Variants in SNX29 observed in about 807,000 individuals in gnomAD.
SNX29 encodes sorting nexin-29.
Under a neutral mutation model 102.1 loss-of-function variants are expected in SNX29, and 78 were observed. The ratio of observed to expected loss-of-function variants is 0.76; its 90% confidence interval spans 0.64 to 0.92. The LOEUF (loss-of-function observed/expected upper bound fraction) is 0.92, where lower values mean the gene tolerates loss of function less well. Among genes scored for constraint, SNX29 ranks in the 40% least tolerant of loss-of-function variants. The pLI is 0.00. For missense variants in SNX29, 1,280 were observed against 1,061.7 expected, an observed-to-expected ratio of 1.21 and a Z score of -2.86; for synonymous variants, 580 against 414.5, an observed-to-expected ratio of 1.40 and a Z score of -4.85.
intron 2 of SNX29, among the ~76,000 whole-genome samples, chr16:12,001,738 C>CCAGG (rs2056295427): frequency 6.6e-6 from 1 of 152,126 alleles, no homozygotes; most frequent in Non-Finnish European, 1.5e-5. Context: ...GACAAGTAGG[C>CCAGG]CAGGCACGGT....
chr16:12,176,903 A>G (rs1017618175), intron 13 of SNX29, among the ~76,000 whole-genome samples: 1 of 151,510 alleles, frequency 6.6e-6, no homozygotes, highest in African/African-American at 2.4e-5. Flanking sequence ...GTGTGGGGGA[A>G]AATTTGCAGG....
intron 15 of SNX29, among the ~76,000 whole-genome samples, chr16:12,315,729 G>A (rs552713009): frequency 1.3e-4 from 20 of 152,286 alleles, no homozygotes; most frequent in African/African-American, 3.9e-4. Context: ...TTGAACAACC[G>A]TCTGTGGTAT....
At chr16:12,256,666 G>C (rs573570933) in intron 14 of SNX29, among the ~76,000 whole-genome samples, 1 of 152,306 alleles carries the variant, frequency 6.6e-6, no homozygotes, top group African/African-American at 2.4e-5. Context: ...TCAGCATTCA[G>C]CAGTTGTTTA....
chr16:12,544,901 A>G (rs1488992733), intron 20 of SNX29, among the ~76,000 whole-genome samples: 1 of 152,212 alleles, frequency 6.6e-6, no homozygotes, highest in African/African-American at 2.4e-5. Flanking sequence ...TGGGCCAGTA[A>G]TCAATAGTCA....
In SNX29 at chr16:12,199,622, C is replaced by T; in HGVS notation, c.1617C>T (p.Val539=). The change falls in exon 14 of 21, where the codon GTC becomes GTT. Residue 539 remains valine (V), a synonymous_variant. Transcript: ENST00000566228. ...GCAGAGAGAACGAGGTGCTCAAAGT[C>T]CAACTGAAGAAATATGTAGGAGCTG... is the stretch of plus-strand genomic sequence containing the variant. ...ALARENEVLK[V]QLKKYVGAVQ... 1 of 1,613,034 alleles carries T rather than the reference C, an allele frequency of 6.2e-7. No homozygotes were observed. Among genetic ancestry groups the T allele is most frequent in the Non-Finnish European group, 8.5e-7 (1 of 1,179,500 alleles).
intron 19 of SNX29, chr16:12,515,487 T>C (rs1464199787): frequency 2.1e-6 from 1 of 485,588 alleles, no homozygotes; most frequent in Non-Finnish European, 4.1e-6. Flanking sequence ...TGAAACCCAT[T>C]CGCTTCTCCT....
intron 20 of SNX29, chr16:12,560,613 G>A (rs959445900): frequency 6.5e-6 from 1 of 153,012 alleles, no homozygotes; most frequent in African/African-American, 2.4e-5. Context: ...GCAAGCAACA[G>A]CTGCCTTGTC....
chr16:12,403,576 G>A (rs764512718), intron 18 of SNX29, 47 bp downstream of exon 18: 18 of 1,537,020 alleles, frequency 1.2e-5, no homozygotes, highest in Admixed American at 1.9e-5. Flanking sequence ...GTGGAAAAAC[G>A]CCCATTTGTC....
In SNX29 at chr16:12,152,525, C is replaced by T. The variant is rs779810307; in HGVS notation, c.1595+22767C>T. Among the ~76,000 whole-genome samples, 11 of 152,158 alleles carry T rather than the reference C, an allele frequency of 7.2e-5. No homozygotes were observed. In the South Asian group the frequency reaches 8.3e-4, roughly 11 times the overall value. On this transcript the variant is annotated intron_variant, in intron 13 of 20. Coordinates refer to ENST00000566228, the MANE Select transcript of SNX29 (RefSeq NM_032167.5). ...TATCTTAGCTCTGTAACCTGGAACGCGTTGCTTTCCTTCTCTGAACCCCAG... is the reference window on the plus strand; with the variant it reads ...TATCTTAGCTCTGTAACCTGGAACGTGTTGCTTTCCTTCTCTGAACCCCAG...
chr16:12,140,087 C>G (rs11075055), intron 13 of SNX29, among the ~76,000 whole-genome samples: 1 of 151,436 alleles, frequency 6.6e-6, no homozygotes, highest in Non-Finnish European at 1.5e-5. Context: ...GCAGTTGATT[C>G]GCTCATGAAA....
chr16:12,344,572 A>G (rs1177831230), intron 15 of SNX29, among the ~76,000 whole-genome samples: 1 of 152,270 alleles, frequency 6.6e-6, no homozygotes, highest in Non-Finnish European at 1.5e-5. Flanking sequence ...ATTTTCAGAT[A>G]TTGAAGATAA....
At chr16:12,483,960 G>C (rs57626469) in intron 19 of SNX29, among the ~76,000 whole-genome samples, 1 of 152,190 alleles carries the variant, frequency 6.6e-6, no homozygotes, top group Non-Finnish European at 1.5e-5. Flanking sequence ...CCAGATGTTA[G>C]TGACCAGCTC....
At chr16:12,357,630 C>G (rs181034584) in intron 16 of SNX29, among the ~76,000 whole-genome samples, 233 of 152,320 alleles carry the variant, frequency 1.5e-3, no homozygotes, top group Non-Finnish European at 6.9e-4. Context: ...GCCATCGCCA[C>G]CACCCCTCTC....
intron 11 of SNX29, among the ~76,000 whole-genome samples, chr16:12,093,471 A>G (rs2052642962): frequency 2.0e-5 from 3 of 152,180 alleles, no homozygotes; most frequent in Non-Finnish European, 4.4e-5. Context: ...CAGAAAAGCC[A>G]GACATGGTGG....
chr16:12,255,686 C>T (rs961932182), intron 14 of SNX29, among the ~76,000 whole-genome samples: 7 of 152,150 alleles, frequency 4.6e-5, no homozygotes, highest in East Asian at 3.8e-4. Flanking sequence ...CACGTTTATC[C>T]GTGTCATCAC....
At chr16:12,485,978 TACA>T (rs1398980616) in intron 19 of SNX29, among the ~76,000 whole-genome samples, 2 of 152,176 alleles carry the variant, frequency 1.3e-5, no homozygotes, top group Non-Finnish European at 2.9e-5. Flanking sequence ...TCCTGTGGCT[TACA>T]ACAACACACA....
chr16:12,542,275 G>C (rs1211965386), intron 20 of SNX29, among the ~76,000 whole-genome samples: 1 of 118,536 alleles, frequency 8.4e-6, no homozygotes, highest in Non-Finnish European at 2.1e-5. Flanking sequence ...GAGGCATGGA[G>C]AAATGGAGGA....
At chr16:12,290,503 C>T (rs371469586) in intron 15 of SNX29, among the ~76,000 whole-genome samples, 34 of 152,300 alleles carry the variant, frequency 2.2e-4, no homozygotes, top group African/African-American at 7.5e-4. Flanking sequence ...CCTCCTAGTA[C>T]GGTGTCGTGA....
At position 12,574,018 on chromosome 16, in the gene SNX29, G is replaced by A. The variant is rs1350952840; in HGVS notation, c.*5389G>A. 2 of 197,512 alleles carry A rather than the reference G, an allele frequency of 1.0e-5. No individual in the cohort carries two copies. Among genetic ancestry groups the A allele is most frequent in the East Asian group, 1.6e-4 (2 of 12,722 alleles). The allele number at this position is 197,512 out of a possible 1,614,324, so 12.2% of individuals were successfully genotyped here. A position where few individuals can be genotyped will look rare whatever the true frequency, so the allele number is the denominator to read the frequency against. On this transcript the variant is annotated 3_prime_UTR_variant, in exon 21 of 21. Coordinates refer to ENST00000566228, the MANE Select transcript of SNX29 (RefSeq NM_032167.5). Reference sequence around the variant, plus strand: ...CAGTGCACCCCCTTAAGGGTAAGCAGGCCACATATCTAGAGTCTGATAGTC... The same window carrying A: ...CAGTGCACCCCCTTAAGGGTAAGCAAGCCACATATCTAGAGTCTGATAGTC...
Sources: allele counts gnomAD v4.1 joint callset (sites outside exome capture counted in the v4.1 genomes callset), GRCh38; gene constraint gnomAD v4.1.1; transcripts MANE v1.5; gene names NCBI Gene and HGNC (gene_info 2026-07-23, HGNC 2026-07-21).